ODAD2: variants seen among roughly 807,000 people sequenced by gnomAD.
ODAD2 encodes the protein outer dynein arm-docking complex subunit 2.
Under a neutral mutation model 106.8 loss-of-function variants are expected in ODAD2, and 89 were observed. The ratio of observed to expected loss-of-function variants is 0.83; its 90% CI spans 0.70 to 0.99. ODAD2 has a LOEUF of 0.99. ODAD2 is among the 50% of genes least tolerant of loss of function. The probability of loss-of-function intolerance (pLI) is 0.00; values close to 1 mark genes in which losing one functional copy is unlikely to be tolerated. For synonymous variants in ODAD2, 404 were observed against 436.2 expected (o/e 0.93, Z 0.92); for missense variants, 1,168 against 1,238.5 (o/e 0.94, Z 0.85).
intron 17 of ODAD2, among the ~76,000 whole-genome samples, chr10:27,898,000 C>G (rs1842963581): frequency 6.6e-6 from 1 of 151,822 alleles, no homozygotes; most frequent in Admixed American, 6.6e-5. Flanking sequence ...TATGAAAATA[C>G]TGAAAAATCT....
At chr10:27,867,972 T>C (rs187777124) in intron 17 of ODAD2, among the ~76,000 whole-genome samples, 3 of 149,892 alleles carry the variant, frequency 2.0e-5, no homozygotes, top group Admixed American at 6.6e-5. Context: ...AAAAGCAGTA[T>C]AAAAAAGACT....
At chr10:27,851,581 T>C (rs1177502130) in intron 19 of ODAD2, among the ~76,000 whole-genome samples, 1 of 151,678 alleles carries the variant, frequency 6.6e-6, no homozygotes, top group African/African-American at 2.4e-5. Context: ...AAATTAAACA[T>C]TGCAGAAAAA....
rs1846373565 is a variant in ODAD2 at position 27,940,932 on chromosome 10, C to T, written c.1744-127G>A. The stretch of plus-strand genomic sequence containing the variant: ...AAAACAAGAATGCTTTAAAAAATCA[C>T]TTTTCGTACTCCATAGCAGCCACGG... On this transcript the variant is annotated intron_variant, in intron 12 of 19. Coordinates refer to ENST00000305242, the MANE Select transcript of ODAD2 (RefSeq NM_018076.5). 3 of 1,009,964 alleles carry T rather than the reference C, an allele frequency of 3.0e-6. No individual in the cohort carries two copies. In the South Asian group the frequency reaches 5.1e-5, roughly 17 times the overall value. The allele number at this position is 1,009,964 out of a possible 1,614,324, so 62.6% of individuals were successfully genotyped here.
At chr10:27,981,828 C>T (rs1027134392) in intron 6 of ODAD2, 4 of 311,028 alleles carry the variant, frequency 1.3e-5, no homozygotes, top group Admixed American at 1.1e-4. Context: ...TTACTGAGTA[C>T]CTCCTATATG....
chr10:27,849,323 G>A (rs1184600801), intron 19 of ODAD2, among the ~76,000 whole-genome samples: 1 of 148,834 alleles, frequency 6.7e-6, no homozygotes, highest in Admixed American at 6.8e-5. Flanking sequence ...AAGACTGCAT[G>A]TTCTCACTCA....
intron 19 of ODAD2, among the ~76,000 whole-genome samples, chr10:27,854,334 ATCCAGCCATTCAC>A (rs1372998084): frequency 6.6e-6 from 1 of 152,170 alleles, no homozygotes; most frequent in Non-Finnish European, 1.5e-5. Context: ...ATACCGTATG[ATCCAGCCATTCAC>A]TCCTAGGTAT....
At chr10:27,868,485 G>A (rs1840616726) in intron 17 of ODAD2, among the ~76,000 whole-genome samples, 1 of 152,294 alleles carries the variant, frequency 6.6e-6, no homozygotes, top group South Asian at 2.1e-4. Context: ...TATACACCAT[G>A]GAGTATTATG....
At chr10:27,971,061 A>G in intron 8 of ODAD2, 47 bp downstream of exon 8, 2 of 1,169,412 alleles carry the variant, frequency 1.7e-6, no homozygotes, top group Non-Finnish European at 1.2e-6. Context: ...TTAGGTGAGT[A>G]TGGTTACTAA....
intron 19 of ODAD2, among the ~76,000 whole-genome samples, chr10:27,850,968 C>T (rs1438900073): frequency 1.3e-5 from 2 of 152,158 alleles, no homozygotes; most frequent in African/African-American, 4.8e-5. Flanking sequence ...CCACTAGAGT[C>T]TTCAGGGCAG....
chr10:27,891,985 G>T (rs1564473004), intron 17 of ODAD2, among the ~76,000 whole-genome samples: 1 of 152,090 alleles, frequency 6.6e-6, no homozygotes, highest in Admixed American at 6.6e-5. Context: ...AGATTCAGTT[G>T]CATTCTTTAC....
chr10:27,935,555 T>C lies in ODAD2; in HGVS notation c.2253-303A>G, dbSNP rs1319044502. Among the ~76,000 whole-genome samples the C allele has an allele frequency of 2.0e-5, 3 of 152,134 alleles. No homozygotes were observed. The East Asian group carries it at 5.8e-4, about 29-fold the overall frequency. ...TTTCCCCCTATCTTCCAGAGACTAC[T>C]TTACCTGAATGAAGTCTTCTAAATG... On this transcript the variant is annotated intron_variant, in intron 15 of 19. Transcript: ENST00000305242.
intron 1 of ODAD2, among the ~76,000 whole-genome samples, chr10:27,996,152 C>G (rs1313436588): frequency 6.6e-6 from 1 of 152,156 alleles, no homozygotes; most frequent in African/African-American, 2.4e-5. Flanking sequence ...GGCAGATAAT[C>G]TATACTTGTT....
At chr10:27,828,287 G>T (rs1459742330) in intron 19 of ODAD2, among the ~76,000 whole-genome samples, 2 of 152,204 alleles carry the variant, frequency 1.3e-5, no homozygotes, top group Non-Finnish European at 2.9e-5. Context: ...TCCCCAGTGG[G>T]TGTGATCAAC....
intron 19 of ODAD2, among the ~76,000 whole-genome samples, chr10:27,846,470 A>T (rs1416677490): frequency 2.6e-5 from 4 of 152,082 alleles, no homozygotes; most frequent in African/African-American, 9.7e-5. Flanking sequence ...AAGAGAAAGC[A>T]GGAAAGATCT....
intron 8 of ODAD2, among the ~76,000 whole-genome samples, chr10:27,969,982 T>C (rs1848732011): frequency 6.6e-6 from 1 of 152,064 alleles, no homozygotes; most frequent in Non-Finnish European, 1.5e-5. Flanking sequence ...GTCACACACC[T>C]GTAATCCCAG....
At position 27,995,231 on chromosome 10, in the gene ODAD2, G is replaced by T. The variant is rs191068029; in HGVS notation, c.-38-51C>A. ...GACAACAGCGTCCACCTTTTCCTTG[G>T]AACATTTTTCATTCTCAAGACTTTA... On this transcript the variant is annotated intron_variant, in intron 1 of 19. Coordinates refer to ENST00000305242, the MANE Select transcript of ODAD2 (RefSeq NM_018076.5). 170 of 1,518,216 alleles carry T rather than the reference G, an allele frequency of 1.1e-4. No homozygotes were observed. The African/African-American group carries it at 2.1e-3, about 19-fold the overall frequency. The allele number at this position is 1,518,216 out of a possible 1,614,324, so 94.0% of individuals were successfully genotyped here.
intron 9 of ODAD2, among the ~76,000 whole-genome samples, chr10:27,963,801 GT>G (rs925197610): frequency 1.6e-5 from 2 of 127,830 alleles, no homozygotes; most frequent in East Asian, 2.2e-4. Context: ...TTTGAAGTGA[GT>G]TTTTTAGACC....
At chr10:27,821,942 G>A (rs905147888) in intron 19 of ODAD2, among the ~76,000 whole-genome samples, 13 of 152,184 alleles carry the variant, frequency 8.5e-5, no homozygotes, top group African/African-American at 3.1e-4. Context: ...ATACACTGAA[G>A]GAAAACTAGC....
At chr10:27,953,629 A>G (rs1847519225) in intron 10 of ODAD2, among the ~76,000 whole-genome samples, 1 of 152,218 alleles carries the variant, frequency 6.6e-6, no homozygotes, top group Non-Finnish European at 1.5e-5. Flanking sequence ...GGAGTGAGGC[A>G]GATATGAAAG....
Sources: allele counts gnomAD v4.1 joint callset (sites outside exome capture counted in the v4.1 genomes callset), GRCh38; gene constraint gnomAD v4.1.1; transcripts MANE v1.5; gene names NCBI Gene and HGNC (gene_info 2026-07-23, HGNC 2026-07-21).